RNASE11: variants seen among roughly 807,000 people sequenced by gnomAD.
RNASE11 encodes ribonuclease A family member 11 (inactive).
For missense variants in RNASE11, 252 were observed against 237.8 expected, an observed-to-expected ratio of 1.06 and a Z score of -0.39; for synonymous variants, 105 against 86.1, an observed-to-expected ratio of 1.22 and a Z score of -1.21.
exon 2 of RNASE11, chr14:20,584,375 C>T: frequency 6.2e-7 from 1 of 1,614,214 alleles, no homozygotes; most frequent in Non-Finnish European, 8.5e-7. Context: ...TATTGCATCT[C>T]TTCGTCTGTA....
chr14:20,584,307 G>C, exon 2 of RNASE11: 1 of 1,614,074 alleles, frequency 6.2e-7, no homozygotes, highest in Non-Finnish European at 8.5e-7. Context: ...TAACTAACAG[G>C]ATCGGGTTCA....
intron 1 of RNASE11, 51 bp downstream of exon 2, chr14:20,587,512 A>G: frequency 1.0e-6 from 1 of 962,298 alleles, no homozygotes; most frequent in Non-Finnish European, 1.2e-6. Context: ...AGTTTTGCCC[A>G]AAAAATGATG....
intron 1 of RNASE11, 23 bp downstream of exon 2, chr14:20,587,540 A>G: frequency 1.0e-6 from 1 of 984,800 alleles, no homozygotes; most frequent in Non-Finnish European, 1.2e-6. Context: ...GGCCCAACAA[A>G]TCATGTGCTA....
rs146956310 is a variant in RNASE11 at position 20,584,146 on chromosome 14, G to A, written c.329C>T (p.Ala110Val). The A allele has an allele frequency of 2.7e-4, 433 of 1,614,182 alleles. 1 individual carries two copies. In the African/African-American group the frequency reaches 5.0e-3, roughly 19 times the overall value. ...ATTGCTCCACTTGCACGATCCGTTT[G>A]CTTCTGAAACTTTTCTCCAGACTGT... is the stretch of plus-strand genomic sequence containing the variant. Residue 110 changes from alanine (A) to valine (V), a missense_variant, in exon 2 of 2, where the codon GCA becomes GTA. Physicochemically the swap from Ala to Val is moderately conservative, Grantham distance 64 (BLOSUM62 0). Coordinates refer to ENST00000553849, the Ensembl canonical transcript of RNASE11.
chr14:20,588,257 A>G (rs1229404013), upstream of RNASE11: 1 of 152,248 alleles, frequency 6.6e-6, no homozygotes. Context: ...ATAGAGAAGA[A>G]GAGGACTTCA....
At chr14:20,587,411 G>A (rs1425270478) in intron 1 of RNASE11, among the ~76,000 whole-genome samples, 152 bp downstream of exon 2, 1 of 152,044 alleles carries the variant, frequency 6.6e-6, no homozygotes, top group African/African-American at 2.4e-5. Flanking sequence ...GGAAAGAAAA[G>A]ACAACAAAAC....
upstream of RNASE11, chr14:20,590,227 C>A: frequency 6.3e-7 from 1 of 1,590,950 alleles, no homozygotes; most frequent in Non-Finnish European, 8.6e-7. Flanking sequence ...CAGGCACAGC[C>A]AGCTCCAATG....
Position 20,584,146 on chromosome 14 carries a change from G to T in RNASE11, c.329C>A (p.Ala110Glu), listed in dbSNP as rs146956310. 5 of 1,614,182 alleles carry T rather than the reference G, an allele frequency of 3.1e-6. No homozygotes were observed. In the South Asian group the frequency reaches 5.5e-5, roughly 18 times the overall value. ...ATTGCTCCACTTGCACGATCCGTTT[G>T]CTTCTGAAACTTTTCTCCAGACTGT... Residue 110 changes from alanine (A) to glutamate (E), a missense_variant, in exon 2 of 2, where the codon GCA becomes GAA. By Grantham distance (107) the Ala-to-Glu change is moderately radical (BLOSUM62 -1). Coordinates refer to ENST00000553849, the Ensembl canonical transcript of RNASE11.
At chr14:20,586,714 A>T (rs1884441516) in intron 1 of RNASE11, among the ~76,000 whole-genome samples, 1 of 152,258 alleles carries the variant, frequency 6.6e-6, no homozygotes, top group African/African-American at 2.4e-5. Context: ...GACAATAGGG[A>T]AACAGAAAGA....
exon 2 of RNASE11, chr14:20,584,182 C>A (rs1025694818): frequency 6.2e-7 from 1 of 1,614,208 alleles, no homozygotes; most frequent in African/African-American, 1.3e-5. Flanking sequence ...CATGTCATTG[C>A]AACACTCTTT....
chr14:20,587,368 T>C (rs951817654), intron 1 of RNASE11, among the ~76,000 whole-genome samples, 195 bp downstream of exon 2: 14 of 151,832 alleles, frequency 9.2e-5, no homozygotes, highest in Non-Finnish European at 1.8e-4. Context: ...AAGGAGGAGC[T>C]TCGGTGAAGA....
upstream of RNASE11, chr14:20,588,381 C>A (rs1333473058): frequency 6.6e-6 from 1 of 152,066 alleles, no homozygotes; most frequent in East Asian, 1.9e-4. Context: ...ATTGTAAGAA[C>A]TAAAAAGAGA....
intron 1 of RNASE11, chr14:20,585,065 C>T (rs572033759): frequency 1.2e-5 from 12 of 985,336 alleles, no homozygotes; most frequent in Middle Eastern, 5.2e-4. Context: ...AGGAAGATTC[C>T]ACTTTGTTGC....
intron 1 of RNASE11, chr14:20,585,186 G>A (rs951153622): frequency 1.7e-6 from 1 of 588,996 alleles, no homozygotes; most frequent in Admixed American, 6.3e-5. Flanking sequence ...ATTGACTCAG[G>A]AGACCACGTG....
At chr14:20,589,329 A>T (rs1431334792), upstream of RNASE11, among the ~76,000 whole-genome samples, 2 of 148,112 alleles carry the variant, frequency 1.4e-5, no homozygotes, top group Non-Finnish European at 3.0e-5. Flanking sequence ...ATCTCGGCTC[A>T]CTGCAACTCC....
chr14:20,583,881 C>T lies in RNASE11; in HGVS notation c.594G>A (p.Lys198=), dbSNP rs1302806587. ...TCCTAAAGCTCTGTGGGATTTACAA[C>T]TTAGAGCCACAAACTAACCAGCTCA... The change falls in exon 2 of 2, where the codon AAG becomes AAA. Residue 198 remains lysine (K), a synonymous_variant. Transcript: ENST00000553849. The T allele has an allele frequency of 1.9e-6, 3 of 1,606,412 alleles. No homozygotes were observed. In the South Asian group the frequency reaches 3.4e-5, roughly 18 times the overall value.
intron 1 of RNASE11, 71 bp from the exon 3 acceptor site, chr14:20,584,567 G>A: frequency 1.5e-6 from 2 of 1,293,558 alleles, no homozygotes; most frequent in Non-Finnish European, 1.0e-6. Context: ...CCTCCTGACA[G>A]TTATTCCTGG....
In RNASE11 at chr14:20,584,033, A is replaced by G. The variant is rs760252213; in HGVS notation, c.442T>C (p.Cys148Arg). The change falls in exon 2 of 2, where the codon TGT becomes CGT. Residue 148 changes from cysteine (C) to arginine (R), a missense_variant. Transcript: ENST00000553849. ...GTATTTTCCAGTTCTAGGCTCTCAC[A>G]GCAGCTTATGCCAGGATTCTGTACA... is the stretch of plus-strand genomic sequence containing the variant. 30 of 1,614,096 alleles carry G rather than the reference A, an allele frequency of 1.9e-5. 1 individual carries two copies. The South Asian group carries it at 2.1e-4, about 11-fold the overall frequency.
exon 2 of RNASE11, chr14:20,583,768 G>A: frequency 3.3e-6 from 4 of 1,203,182 alleles, no homozygotes; most frequent in Non-Finnish European, 3.4e-6. Context: ...AAATAATCAG[G>A]AGTTCACTAT....
Sources: gnomAD v4.1 joint callset for allele counts (sites outside exome capture counted in the v4.1 genomes callset) on GRCh38, gnomAD v4.1.1 for gene constraint, MANE v1.5 for transcripts, NCBI Gene and HGNC (gene_info 2026-07-23, HGNC 2026-07-21) for gene names.